SDK1: variants seen among roughly 807,000 people sequenced by gnomAD.
SDK1 encodes protein sidekick-1.
Under a neutral mutation model 245.5 loss-of-function variants are expected in SDK1, and 157 were observed. That is an observed-to-expected ratio of 0.64 (90% CI 0.56 to 0.73). The LOEUF (loss-of-function observed/expected upper bound fraction) is 0.73. SDK1 is among the 30% of genes least tolerant of loss of function. The pLI, the probability that SDK1 is intolerant of heterozygous loss-of-function variation, is 0.00. For missense variants in SDK1, 3,583 were observed against 3,002.3 expected, an observed-to-expected ratio of 1.19 and a Z score of -4.52; for synonymous variants, 1,647 against 1,278.5, an observed-to-expected ratio of 1.29 and a Z score of -6.15.
rs1486526781 is a variant in SDK1 at position 3,799,562 on chromosome 7, A to G, written c.714-21888A>G. 2.0e-5 allele frequency among the ~76,000 whole-genome samples: 3 copies of G among 151,766 alleles called. No individual in the cohort carries two copies. The East Asian group carries it at 5.9e-4, about 30-fold the overall frequency. On this transcript the variant is annotated intron_variant, in intron 4 of 44. Transcript: ENST00000404826. ...TACTAAAAAATACAAAAAATTAGCC[A>G]GGCGTGGTGGCGGGCACCTGTAGTC...
chr7:3,886,906 A>T (rs929369020), intron 5 of SDK1, among the ~76,000 whole-genome samples: 1 of 152,190 alleles, frequency 6.6e-6, no homozygotes, highest in Non-Finnish European at 1.5e-5. Context: ...AGAGAATGAG[A>T]TCTCAATTTA....
At chr7:3,640,357 AGT>A (rs2128651548) in intron 3 of SDK1, among the ~76,000 whole-genome samples, 1 of 152,340 alleles carries the variant, frequency 6.6e-6, no homozygotes, top group Admixed American at 6.5e-5. Flanking sequence ...TGTAGCTTTC[AGT>A]GTGAGTAGAT....
chr7:3,646,757 A>C (rs1258262203), intron 4 of SDK1, among the ~76,000 whole-genome samples: 1 of 152,338 alleles, frequency 6.6e-6, no homozygotes, highest in African/African-American at 2.4e-5. Flanking sequence ...CTGGGTTTGC[A>C]TAGAGGGGTT....
intron 1 of SDK1, among the ~76,000 whole-genome samples, chr7:3,490,637 C>G (rs1387846309): frequency 6.6e-6 from 1 of 152,300 alleles, no homozygotes; most frequent in East Asian, 1.9e-4. Flanking sequence ...ACATGAAGAC[C>G]TGCATGCTTA....
At chr7:3,672,147 T>C (rs1357456450) in intron 4 of SDK1, among the ~76,000 whole-genome samples, 2 of 151,854 alleles carry the variant, frequency 1.3e-5, no homozygotes, top group African/African-American at 2.4e-5. Flanking sequence ...GTGGTGACCA[T>C]TGGTCTAACC....
intron 1 of SDK1, among the ~76,000 whole-genome samples, chr7:3,603,679 TCTC>T (rs1474648403): frequency 1.3e-5 from 2 of 152,186 alleles, no homozygotes; most frequent in East Asian, 3.8e-4. Flanking sequence ...TTTGTTTCCT[TCTC>T]CTGCCTGATT....
intron 1 of SDK1, among the ~76,000 whole-genome samples, chr7:3,452,639 A>T (rs1001891893): frequency 4.6e-5 from 7 of 152,204 alleles, no homozygotes; most frequent in Non-Finnish European, 8.8e-5. Flanking sequence ...TTTGCCAACC[A>T]GCTATGTTAT....
chr7:3,936,584 C>CAA (rs35348363), intron 5 of SDK1, among the ~76,000 whole-genome samples: 357 of 139,624 alleles, frequency 2.6e-3, no homozygotes, highest in African/African-American at 4.0e-3. Flanking sequence ...GACTCCATCT[C>CAA]AAAAAAAAAA....
intron 1 of SDK1, among the ~76,000 whole-genome samples, chr7:3,388,816 C>G (rs1013694864): frequency 6.6e-6 from 1 of 152,214 alleles, no homozygotes; most frequent in East Asian, 1.9e-4. Flanking sequence ...TATCGAGTAC[C>G]TACTGTGTCA....
At chr7:4,163,571 T>G (rs1174797350) in intron 32 of SDK1, among the ~76,000 whole-genome samples, 2 of 152,152 alleles carry the variant, frequency 1.3e-5, no homozygotes, top group African/African-American at 4.8e-5. Flanking sequence ...GAAGGGCCAC[T>G]CCAAGGGACA....
intron 1 of SDK1, among the ~76,000 whole-genome samples, chr7:3,331,045 C>G (rs886194921): frequency 2.6e-5 from 4 of 152,076 alleles, no homozygotes; most frequent in Admixed American, 2.0e-4. Context: ...GCAGGTGGAT[C>G]ACGAGGTCAG....
chr7:3,463,388 A>T (rs1010231824), intron 1 of SDK1, among the ~76,000 whole-genome samples: 8 of 152,154 alleles, frequency 5.3e-5, no homozygotes, highest in Admixed American at 5.2e-4. Context: ...ATGAACATAG[A>T]TTGAGTTTTG....
chr7:3,767,463 G>C (rs189727071), intron 4 of SDK1, among the ~76,000 whole-genome samples: 1 of 152,228 alleles, frequency 6.6e-6, no homozygotes, highest in Admixed American at 6.5e-5. Flanking sequence ...TAAAAAAATT[G>C]TTTTTTCTCT....
chr7:3,711,147 A>T (rs1267071095), intron 4 of SDK1, among the ~76,000 whole-genome samples: 4 of 152,252 alleles, frequency 2.6e-5, no homozygotes, highest in Admixed American at 2.6e-4. Flanking sequence ...GACACACTTT[A>T]ATCACAGGAA....
At chr7:3,605,012 G>A (rs1781375492) in intron 1 of SDK1, among the ~76,000 whole-genome samples, 4 of 151,614 alleles carry the variant, frequency 2.6e-5, no homozygotes, top group Admixed American at 6.6e-5. Context: ...GTTTTATTCT[G>A]TTAATACTAT....
intron 32 of SDK1, among the ~76,000 whole-genome samples, chr7:4,166,774 G>A (rs749157239): frequency 5.3e-5 from 8 of 152,208 alleles, no homozygotes; most frequent in Non-Finnish European, 1.0e-4. Context: ...ACAGTGGCAC[G>A]TGGTTGAGCC....
At chr7:3,640,489 A>G (rs1719377660) in intron 3 of SDK1, among the ~76,000 whole-genome samples, 1 of 152,206 alleles carries the variant, frequency 6.6e-6, no homozygotes, top group South Asian at 2.1e-4. Context: ...CTAAATTGTG[A>G]TGCCGAAGAA....
At chr7:3,771,844 C>T (rs576987594) in intron 4 of SDK1, among the ~76,000 whole-genome samples, 20 of 152,254 alleles carry the variant, frequency 1.3e-4, no homozygotes, top group Admixed American at 4.6e-4. Context: ...ACCATCACCC[C>T]CCATCCATCT....
At chr7:3,539,065 G>A (rs761195394) in intron 1 of SDK1, among the ~76,000 whole-genome samples, 1 of 152,042 alleles carries the variant, frequency 6.6e-6, no homozygotes, top group Non-Finnish European at 1.5e-5. Context: ...TACTTTCTGC[G>A]ATCATTATGC....
Sources: allele counts gnomAD v4.1 joint callset (sites outside exome capture counted in the v4.1 genomes callset), GRCh38; gene constraint gnomAD v4.1.1; transcripts MANE v1.5; gene names NCBI Gene and HGNC (gene_info 2026-07-23, HGNC 2026-07-21).